PSPC1: variants seen among roughly 807,000 people sequenced by gnomAD.
PSPC1 encodes paraspeckle component 1, also known as paraspeckle protein 1.
In PSPC1, 14 loss-of-function variants were observed where a neutral mutation model predicts 51.6. The observed-to-expected ratio is 0.27, with a 90% CI of 0.18 to 0.42. The LOEUF (loss-of-function observed/expected upper bound fraction) is 0.42. Ranked by LOEUF, PSPC1 falls within the 10% of genes least tolerant of loss-of-function variation. PSPC1 has a pLI of 1.00. For synonymous variants in PSPC1, 193 were observed against 231.9 expected, an observed-to-expected ratio of 0.83 and a Z score of 1.53; for missense variants, 406 against 701.1, an observed-to-expected ratio of 0.58 and a Z score of 4.75.
At chr13:19,671,329 T>C, downstream of PSPC1, 1 of 1,551,596 alleles carries the variant, frequency 6.4e-7, no homozygotes, top group South Asian at 1.1e-5. Flanking sequence ...ACTACTCAAG[T>C]TGTTGCTCCA....
At chr13:19,671,816 GT>G, downstream of PSPC1, 2 of 1,613,542 alleles carry the variant, frequency 1.2e-6, no homozygotes, top group South Asian at 2.2e-5. Context: ...TGACACCTGC[GT>G]TCTTTTCTTT....
chr13:19,688,683 C>T (rs189034183), intron 6 of PSPC1, among the ~76,000 whole-genome samples: 1 of 152,330 alleles, frequency 6.6e-6, no homozygotes, highest in African/African-American at 2.4e-5. Context: ...CTGGACGGAG[C>T]TTATATTCCA....
At chr13:19,726,534 C>A (rs1326666087) in intron 6 of PSPC1, among the ~76,000 whole-genome samples, 1 of 152,102 alleles carries the variant, frequency 6.6e-6, no homozygotes, top group African/African-American at 2.4e-5. Flanking sequence ...GATCACAAAA[C>A]AAATCAATTA....
downstream of PSPC1, among the ~76,000 whole-genome samples, chr13:19,673,649 G>A (rs1254379918): frequency 6.6e-6 from 1 of 152,152 alleles, no homozygotes. Context: ...AGTAGGAGGA[G>A]TCCAACTATA....
chr13:19,771,342 T>G (rs1888607796), intron 2 of PSPC1, among the ~76,000 whole-genome samples: 1 of 152,090 alleles, frequency 6.6e-6, no homozygotes, highest in Non-Finnish European at 1.5e-5. Flanking sequence ...TTTCGCCATT[T>G]GCCCAGGCTG....
rs1886526662 is a variant in PSPC1 at position 19,751,260 on chromosome 13, T to C, written c.967+11A>G. ...AAATCATACCACATGTACATGAAAATCCATATTTACCTTGCCTCATTAGCA... is the reference window on the plus strand; with the variant it reads ...AAATCATACCACATGTACATGAAAACCCATATTTACCTTGCCTCATTAGCA... On this transcript the variant is annotated intron_variant, in intron 4 of 8. Transcript: ENST00000338910. 6.6e-7 allele frequency: 1 copy of C among 1,508,508 alleles called. No individual in the cohort carries two copies. The highest frequency in any genetic ancestry group is 8.8e-7 in the Non-Finnish European group (1 of 1,132,182). The allele number at this position is 1,508,508 out of a possible 1,614,324, so 93.4% of individuals were successfully genotyped here.
rs1313495516 is a variant in PSPC1, at chr13:19,707,354, T to TA, written c.1217-1524dup. On this transcript the variant is annotated intron_variant, in intron 7 of 8. Coordinates refer to ENST00000338910, the MANE Select transcript of PSPC1 (RefSeq NM_001354909.2). The stretch of plus-strand genomic sequence containing the variant: ...ATAGCTATAAATAAATTTAAAGATA[T>TA]AAAAAATGTTAGCATTATCTGATTA... 2.0e-5 allele frequency among the ~76,000 whole-genome samples: 3 copies of TA among 152,304 alleles called. 1 individual carries two copies. The Middle Eastern group carries it at 0.01, about 518-fold the overall frequency.
chr13:19,774,819 C>CAAAAAA (rs1301247582), intron 1 of PSPC1, among the ~76,000 whole-genome samples: 1 of 135,718 alleles, frequency 7.4e-6, no homozygotes, highest in African/African-American at 2.9e-5. Context: ...AAAAAAAAAA[C>CAAAAAA]AAAAAAAAAA....
chr13:19,765,796 A>G (rs1358621274), intron 2 of PSPC1, among the ~76,000 whole-genome samples: 1 of 152,184 alleles, frequency 6.6e-6, no homozygotes, highest in Non-Finnish European at 1.5e-5. Flanking sequence ...ATAGTATATC[A>G]AGGGTTAATG....
intron 7 of PSPC1, among the ~76,000 whole-genome samples, chr13:19,706,332 GTT>G (rs536322636): frequency 1.1e-4 from 16 of 144,428 alleles, no homozygotes; most frequent in Non-Finnish European, 2.0e-4. Context: ...TCTCATCTTA[GTT>G]TTTTTTTTTT....
intron 7 of PSPC1, among the ~76,000 whole-genome samples, chr13:19,707,513 G>A (rs1030386308): frequency 2.6e-5 from 4 of 152,132 alleles, no homozygotes; most frequent in Non-Finnish European, 5.9e-5. Flanking sequence ...AACCCAACTG[G>A]ATGATAATGA....
intron 1 of PSPC1, among the ~76,000 whole-genome samples, chr13:19,779,541 G>C (rs868740806): frequency 4.3e-5 from 1 of 23,116 alleles, no homozygotes; most frequent in African/African-American, 1.3e-4. Context: ...CAGCCGCCCC[G>C]TCCCGGAGGG....
Position 19,782,916 on chromosome 13 carries a change from C to T in PSPC1, c.-159G>A. 2 of 724,908 alleles carry T rather than the reference C, an allele frequency of 2.8e-6. No individual in the cohort carries two copies. The highest frequency in any genetic ancestry group is 2.0e-6 in the Non-Finnish European group (1 of 497,988). 44.9% of individuals were successfully genotyped at this position (724,908 alleles called of 1,614,324 possible). A position where few individuals can be genotyped will look rare whatever the true frequency, so the allele number is the denominator to read the frequency against. ...CGGCAACCCGTCCTCCCCCAACTCA[C>T]GCCCGCTGCAGCTGCACATTCAAAA... is the stretch of plus-strand genomic sequence containing the variant. On this transcript the variant is annotated 5_prime_UTR_variant, in exon 1 of 9. The change creates a new upstream start codon in the 5' untranslated region. Transcript: ENST00000338910. This position sits in a 1 kb window ranked among gnomAD's most constrained non-coding sequence, Gnocchi z 4.5.
At chr13:19,690,006 G>GTA (rs1360195561) in intron 6 of PSPC1, among the ~76,000 whole-genome samples, 1 of 152,172 alleles carries the variant, frequency 6.6e-6, no homozygotes, top group Non-Finnish European at 1.5e-5. Context: ...ACTCCTCAGA[G>GTA]TATCTGAGTA....
At chr13:19,763,603 T>C (rs971695840) in intron 2 of PSPC1, among the ~76,000 whole-genome samples, 19 of 152,186 alleles carry the variant, frequency 1.2e-4, no homozygotes, top group African/African-American at 4.6e-4. Context: ...TGAAGTTTTC[T>C]CATCGGTAAA....
chr13:19,730,965 C>CAACAAA lies in PSPC1; in HGVS notation c.1053-622_1053-621insTTTGTT, dbSNP rs1884009033. On this transcript the variant is annotated intron_variant, in intron 5 of 8. Transcript: ENST00000338910. ...GTCTCAGAAAAAAAAAACAAAAAAACAAAAAAAAAAAAAACAGAAAAAGTC... is the reference window on the plus strand; with the variant it reads ...GTCTCAGAAAAAAAAAACAAAAAAACAACAAAAAAAAAAAAAAAAACAGAAAAAGTC... Among the ~76,000 whole-genome samples the CAACAAA allele has an allele frequency of 3.2e-4, 12 of 37,304 alleles. 1 individual carries two copies. Among genetic ancestry groups the CAACAAA allele is most frequent in the Admixed American group, 1.1e-3 (3 of 2,674 alleles). 24.5% of individuals were successfully genotyped at this position (37,304 alleles called of 152,430 possible). A position where few individuals can be genotyped will look rare whatever the true frequency, so the allele number is the denominator to read the frequency against.
chr13:19,726,567 C>A (rs1883377347), intron 6 of PSPC1, among the ~76,000 whole-genome samples: 1 of 152,122 alleles, frequency 6.6e-6, no homozygotes, highest in African/African-American at 2.4e-5. Flanking sequence ...TCTAAGAACC[C>A]ACATTTTTTA....
At chr13:19,721,800 G>C (rs1372860345) in intron 6 of PSPC1, among the ~76,000 whole-genome samples, 1 of 152,118 alleles carries the variant, frequency 6.6e-6, no homozygotes, top group Non-Finnish European at 1.5e-5. Flanking sequence ...AAAGTTAGGT[G>C]TGTTGAAAAC....
chr13:19,771,771 C>A (rs1411230090), intron 2 of PSPC1, among the ~76,000 whole-genome samples: 1 of 152,002 alleles, frequency 6.6e-6, no homozygotes, highest in African/African-American at 2.4e-5. Context: ...CAGGCATGCA[C>A]CACCACGCCC....
Sources: allele counts gnomAD v4.1 joint callset (sites outside exome capture counted in the v4.1 genomes callset), GRCh38; gene constraint gnomAD v4.1.1; non-coding constraint Gnocchi (gnomAD v3.1); transcripts MANE v1.5; gene names NCBI Gene and HGNC (gene_info 2026-07-23, HGNC 2026-07-21).